EIPR1: variants seen among roughly 807,000 people sequenced by gnomAD.
The protein encoded by EIPR1 is EARP complex and GARP complex interacting protein 1, also known as EARP and GARP complex-interacting protein 1.
Under a neutral mutation model 48.1 loss-of-function variants are expected in EIPR1, and 25 were observed. That is an observed-to-expected ratio of 0.52 (90% CI 0.38 to 0.73). The LOEUF (loss-of-function observed/expected upper bound fraction) is 0.73. EIPR1 is among the 30% of genes least tolerant of loss of function. EIPR1 has a pLI of 0.00. For synonymous variants in EIPR1, 204 were observed against 201.9 expected (o/e 1.01, Z -0.09); for missense variants, 415 against 506.2 (o/e 0.82, Z 1.73).
intron 3 of EIPR1, among the ~76,000 whole-genome samples, chr2:3,290,374 T>C (rs913788069): frequency 1.1e-4 from 17 of 152,214 alleles, no homozygotes; most frequent in Admixed American, 5.2e-4. Flanking sequence ...GAGTCCTTTT[T>C]AAAGATGTTA....
rs117009928 is a variant in EIPR1 at position 3,228,599 on chromosome 2, C to T, written c.417-14351G>A. ...ATGTGAGGACGTAAGATCTGGGAGG[C>T]GGAAGGCGCAGAATGATATGGTTTG... On this transcript the variant is annotated intron_variant, in intron 4 of 8. Coordinates refer to ENST00000382125, the MANE Select transcript of EIPR1 (RefSeq NM_003310.5). Among the ~76,000 whole-genome samples the T allele has an allele frequency of 3.4e-4, 51 of 152,208 alleles. No homozygotes were observed. In the East Asian group the frequency reaches 8.1e-3, roughly 24 times the overall value.
At chr2:3,231,128 T>C (rs1666230778) in intron 4 of EIPR1, among the ~76,000 whole-genome samples, 1 of 152,204 alleles carries the variant, frequency 6.6e-6, no homozygotes, top group African/African-American at 2.4e-5. Flanking sequence ...GGAACTGTTT[T>C]CTTAATTTCT....
intron 4 of EIPR1, among the ~76,000 whole-genome samples, chr2:3,257,095 A>G (rs1667180240): frequency 6.6e-6 from 1 of 152,224 alleles, no homozygotes; most frequent in African/African-American, 2.4e-5. Flanking sequence ...GTGGGGATGC[A>G]GGCGCGCTGG....
chr2:3,256,527 G>T (rs1477437480), intron 4 of EIPR1, among the ~76,000 whole-genome samples: 1 of 152,152 alleles, frequency 6.6e-6, no homozygotes, highest in Admixed American at 6.5e-5. Flanking sequence ...TTATTTAATT[G>T]GTAGAACTGA....
intron 2 of EIPR1, among the ~76,000 whole-genome samples, chr2:3,339,743 A>G (rs1373241638): frequency 6.6e-6 from 1 of 152,164 alleles, no homozygotes; most frequent in Non-Finnish European, 1.5e-5. Context: ...GAGGTCAGGA[A>G]TTTGAGACCA....
In EIPR1 at chr2:3,310,449, T is replaced by G. The variant is rs13405252; in HGVS notation, c.259+27568A>C. ...TGGGCGGATCACAAGGTCAGGAGAC[T>G]GAGACCATCCTGGCTAAAACGGTGA... is the stretch of plus-strand genomic sequence containing the variant. On this transcript the variant is annotated intron_variant, in intron 3 of 8. Transcript: ENST00000382125. 9.6e-4 allele frequency among the ~76,000 whole-genome samples: 135 copies of G among 141,354 alleles called. 2 individuals are homozygous for G. The highest frequency in any genetic ancestry group is 3.5e-3 in the Middle Eastern group (1 of 284). 92.7% of individuals were successfully genotyped at this position (141,354 alleles called of 152,430 possible).
intron 5 of EIPR1, among the ~76,000 whole-genome samples, chr2:3,197,918 G>T (rs1320786913): frequency 6.6e-6 from 1 of 152,232 alleles, no homozygotes; most frequent in Non-Finnish European, 1.5e-5. Context: ...GCTGAGGGCA[G>T]GTCCAAACGA....
chr2:3,225,958 G>A (rs1055929989), intron 4 of EIPR1, among the ~76,000 whole-genome samples: 1 of 152,192 alleles, frequency 6.6e-6, no homozygotes, highest in Non-Finnish European at 1.5e-5. Flanking sequence ...TGTTTCAAAC[G>A]GCAGGACGGC....
At chr2:3,307,925 T>C (rs1668997147) in intron 3 of EIPR1, among the ~76,000 whole-genome samples, 1 of 152,162 alleles carries the variant, frequency 6.6e-6, no homozygotes, top group African/African-American at 2.4e-5. Context: ...ATTGTATACA[T>C]GTATCAAAAT....
At chr2:3,328,648 C>T (rs1669778995) in intron 3 of EIPR1, among the ~76,000 whole-genome samples, 1 of 148,912 alleles carries the variant, frequency 6.7e-6, no homozygotes, top group Non-Finnish European at 1.5e-5. Flanking sequence ...AGCCCACCCA[C>T]CACGCTCTAA....
chr2:3,260,176 C>T (rs1667282413), intron 3 of EIPR1, among the ~76,000 whole-genome samples: 1 of 152,180 alleles, frequency 6.6e-6, no homozygotes, highest in African/African-American at 2.4e-5. Flanking sequence ...AAAAACTCTG[C>T]TTTCAGAAAG....
intron 5 of EIPR1, among the ~76,000 whole-genome samples, chr2:3,200,329 T>A (rs1664986047): frequency 6.6e-6 from 1 of 152,154 alleles, no homozygotes. Context: ...CACAACCAAG[T>A]GACTTTCAGG....
At chr2:3,229,566 C>A (rs754937369) in intron 4 of EIPR1, among the ~76,000 whole-genome samples, 1 of 152,224 alleles carries the variant, frequency 6.6e-6, no homozygotes, top group Non-Finnish European at 1.5e-5. Flanking sequence ...TCTTTTCTTA[C>A]ATTTCTGCAA....
chr2:3,197,359 C>G (rs1378875225), intron 5 of EIPR1, among the ~76,000 whole-genome samples: 3 of 152,230 alleles, frequency 2.0e-5, no homozygotes, highest in Non-Finnish European at 2.9e-5. Flanking sequence ...AAGAAAGCGA[C>G]AAAACAAGTC....
intron 2 of EIPR1, among the ~76,000 whole-genome samples, chr2:3,341,050 C>A (rs1226950653): frequency 7.6e-6 from 1 of 130,954 alleles, no homozygotes; most frequent in East Asian, 2.3e-4. Flanking sequence ...GAGCCGAGAT[C>A]ACGCCACTGC....
At chr2:3,265,484 T>C (rs1055976366) in intron 3 of EIPR1, among the ~76,000 whole-genome samples, 23 of 152,232 alleles carry the variant, frequency 1.5e-4, no homozygotes, top group African/African-American at 5.1e-4. Context: ...TAAGGAGCTT[T>C]TAAGAAGGAA....
At chr2:3,240,689 CCTAA>C (rs879256702) in intron 4 of EIPR1, among the ~76,000 whole-genome samples, 519 of 144,252 alleles carry the variant, frequency 3.6e-3, no homozygotes, top group Admixed American at 4.8e-3. Context: ...GCAGGTCCCT[CCTAA>C]AGCAAAGCCA....
At chr2:3,255,395 C>A (rs576872154) in intron 4 of EIPR1, among the ~76,000 whole-genome samples, 1 of 152,282 alleles carries the variant, frequency 6.6e-6, no homozygotes, top group South Asian at 2.1e-4. Context: ...GTTGGCCAGG[C>A]TGGTCTCGAA....
At chr2:3,269,712 G>GCACTCAATCATCA (rs1250342923) in intron 3 of EIPR1, among the ~76,000 whole-genome samples, 15 of 149,440 alleles carry the variant, frequency 1.0e-4, no homozygotes, top group South Asian at 2.2e-4. Context: ...CTCAATCATC[G>GCACTCAATCATCA]CACTCAATCA....
Sources: allele counts gnomAD v4.1 joint callset (sites outside exome capture counted in the v4.1 genomes callset), GRCh38; gene constraint gnomAD v4.1.1; transcripts MANE v1.5; gene names NCBI Gene and HGNC (gene_info 2026-07-23, HGNC 2026-07-21).